KIF21A: variants seen among roughly 807,000 people sequenced by gnomAD.
KIF21A encodes the protein kinesin-like protein KIF21A.
Under a neutral mutation model 202.9 loss-of-function variants are expected in KIF21A, and 114 were observed. The ratio of observed to expected loss-of-function variants is 0.56; its 90% CI spans 0.48 to 0.66. KIF21A has a LOEUF of 0.66. KIF21A is among the 30% of genes least tolerant of loss of function. The pLI is 0.00. For missense variants in KIF21A, 1,677 were observed against 1,994.9 expected, an observed-to-expected ratio of 0.84 and a Z score of 3.04; for synonymous variants, 667 against 670.8, an observed-to-expected ratio of 0.99 and a Z score of 0.09.
rs754348492 is a variant in KIF21A, at chr12:39,341,000, C to G, written c.2016G>C (p.Gln672His). The G allele has an allele frequency of 1.2e-6, 2 of 1,612,882 alleles. No individual in the cohort carries two copies. Among genetic ancestry groups the G allele is most frequent in the South Asian group, 1.1e-5 (1 of 91,006 alleles). Residue 672 changes from glutamine (Q) to histidine (H), a missense_variant, in exon 15 of 38, where the codon CAG (glutamine) becomes CAC (histidine). Gln to His is a conservative substitution (Grantham distance 24, BLOSUM62 0). Around this residue, in one of 3 missense-constraint regions of KIF21A, gnomAD observed 966 missense variants for 1,180.9 expected, o/e 0.82. Coordinates refer to ENST00000361418, the MANE Select transcript of KIF21A (RefSeq NM_001173464.2). ...TCTCTTCATACTGCTTTTTCAGAGT[C>G]TGCAGTCTTTTCTGGCTGTTTTCTA... The part of the protein sequence containing the change: ...DELENSQKRL[Q>H]TLKKQYEEKL...
rs1943840600 is a variant in KIF21A at position 39,309,782 on chromosome 12, A to G, written c.4097-16T>C. 6.3e-7 allele frequency: 1 copy of G among 1,599,328 alleles called. No homozygotes were observed. The highest frequency in any genetic ancestry group is 8.5e-7 in the Non-Finnish European group (1 of 1,169,850). ...CAAGTACGATCTAAAACAAACACATAAAAAAAAGAAAACACCATTAATATG... is the reference window on the plus strand; with the variant it reads ...CAAGTACGATCTAAAACAAACACATGAAAAAAAGAAAACACCATTAATATG... On this transcript the variant is annotated splice_polypyrimidine_tract_variant and intron_variant, in intron 32 of 37. Transcript: ENST00000361418.
chr12:39,341,808 G>A (rs1947464988), intron 13 of KIF21A, among the ~76,000 whole-genome samples, 186 bp from the exon 14 acceptor site: 1 of 152,100 alleles, frequency 6.6e-6, no homozygotes, highest in African/African-American at 2.4e-5. Flanking sequence ...ATCTCTCATA[G>A]TATTCTACCC....
At chr12:39,296,399 A>T (rs1942376277) in intron 37 of KIF21A, among the ~76,000 whole-genome samples, 1 of 152,208 alleles carries the variant, frequency 6.6e-6, no homozygotes, top group Non-Finnish European at 1.5e-5. Context: ...AAACAAAAAT[A>T]AAATTTAAAA....
chr12:39,332,612 T>G lies in KIF21A; in HGVS notation c.2835A>C (p.Ala945=), dbSNP rs763006664. The G allele has an allele frequency of 3.7e-6, 6 of 1,614,008 alleles. 1 individual carries two copies. The South Asian group carries it at 5.5e-5, about 15-fold the overall frequency. The change falls in exon 20 of 38, where the codon GCA becomes GCC. Residue 945 remains alanine, a synonymous_variant. Transcript: ENST00000361418. Reference sequence around the variant, plus strand: ...ACACCTTGAGGAGTCTATTCATATCTGCCTCCATGTTGGAAATGGTCATCT... The same window carrying G: ...ACACCTTGAGGAGTCTATTCATATCGGCCTCCATGTTGGAAATGGTCATCT... ...MQKMTISNME[A]DMNRLLKQRE...
At position 39,340,249 on chromosome 12, in the gene KIF21A, A is replaced by G. The variant is rs765095330; in HGVS notation, c.2226T>C (p.His742=). 18 of 1,613,152 alleles carry G rather than the reference A, an allele frequency of 1.1e-5. No homozygotes were observed. Among genetic ancestry groups the G allele is most frequent in the Admixed American group, 3.3e-5 (2 of 59,932 alleles). The change falls in exon 16 of 38, where the codon CAT becomes CAC. Residue 742 remains histidine (H), a synonymous_variant. Transcript: ENST00000361418. ...GAGACTGATTTTTAAGCAACCTTGCATGTTCTTTTTGAGCTGCTTGAAGTC... is the reference window on the plus strand; with the variant it reads ...GAGACTGATTTTTAAGCAACCTTGCGTGTTCTTTTTGAGCTGCTTGAAGTC... ...LQRLQAAQKE[H]ARLLKNQSQY...
At position 39,351,848 on chromosome 12, in the gene KIF21A, GGTT is replaced by G; in HGVS notation, c.1599_1601del (p.Glu533_Thr534delinsAsp). On this transcript the variant is annotated inframe_deletion, in exon 11 of 38. Transcript: ENST00000361418. ...TTTTTGCTAGGTCTATAATTTCAATGGTTTCTTTGTCTGAGGATAGTATGGTAG... is the reference window on the plus strand; with the variant it reads ...TTTTTGCTAGGTCTATAATTTCAATGTCTTTGTCTGAGGATAGTATGGTAG... The G allele has an allele frequency of 6.2e-7, 1 of 1,607,350 alleles. No individual in the cohort carries two copies.
At chr12:39,358,857 A>G (rs923301706) in intron 7 of KIF21A, among the ~76,000 whole-genome samples, 1 of 152,166 alleles carries the variant, frequency 6.6e-6, no homozygotes, top group African/African-American at 2.4e-5. Context: ...CGTTATATAA[A>G]CTGTCATTTG....
intron 1 of KIF21A, among the ~76,000 whole-genome samples, chr12:39,408,395 ACTT>A (rs1952783830): frequency 1.3e-5 from 2 of 151,966 alleles, no homozygotes; most frequent in South Asian, 4.2e-4. Flanking sequence ...ACTGCTGCTC[ACTT>A]CCTGCTGTGT....
At chr12:39,426,397 CAT>C (rs1954755701) in intron 1 of KIF21A, among the ~76,000 whole-genome samples, 1 of 151,912 alleles carries the variant, frequency 6.6e-6, no homozygotes, top group African/African-American at 2.4e-5. Flanking sequence ...TTGCATTTAA[CAT>C]ATGTGATGAA....
intron 1 of KIF21A, among the ~76,000 whole-genome samples, chr12:39,373,386 C>G (rs1474487122): frequency 6.6e-6 from 1 of 152,078 alleles, no homozygotes; most frequent in Non-Finnish European, 1.5e-5. Flanking sequence ...TTCAATATCA[C>G]TTGTTTTGGG....
rs184459174 is a variant in KIF21A, at chr12:39,331,570, T to C, written c.3153+120A>G. The C allele has an allele frequency of 2.7e-5, 20 of 737,834 alleles. No homozygotes were observed. The East Asian group carries it at 4.9e-4, about 18-fold the overall frequency. 45.7% of individuals were successfully genotyped at this position (737,834 alleles called of 1,614,324 possible). A position where few individuals can be genotyped will look rare whatever the true frequency, so the allele number is the denominator to read the frequency against. On this transcript the variant is annotated intron_variant, in intron 22 of 37. Transcript: ENST00000361418. ...CTAAAGAAAGGTAAAAGAAATACTTTCCAATTATGAATAATCTTCTTCCTT... is the reference window on the plus strand; with the variant it reads ...CTAAAGAAAGGTAAAAGAAATACTTCCCAATTATGAATAATCTTCTTCCTT...
At chr12:39,388,538 A>G (rs1951115427) in intron 1 of KIF21A, among the ~76,000 whole-genome samples, 1 of 152,154 alleles carries the variant, frequency 6.6e-6, no homozygotes, top group East Asian at 1.9e-4. Context: ...TCAATATCCT[A>G]GGGACAGCAA....
At chr12:39,341,175 C>T (rs1376300723) in intron 14 of KIF21A, 81 bp from the exon 15 acceptor site, 24 of 1,103,180 alleles carry the variant, frequency 2.2e-5, no homozygotes, top group Admixed American at 1.3e-4. Flanking sequence ...ACCATAAAAA[C>T]CATCAACTAG....
chr12:39,295,483 A>G (rs1942220186), intron 37 of KIF21A, among the ~76,000 whole-genome samples: 2 of 152,152 alleles, frequency 1.3e-5, no homozygotes, highest in Non-Finnish European at 2.9e-5. Context: ...TGGAGTGCCA[A>G]TGTAACACAG....
At chr12:39,304,055 C>T (rs76856320) in intron 35 of KIF21A, among the ~76,000 whole-genome samples, 1 of 152,148 alleles carries the variant, frequency 6.6e-6, no homozygotes, top group African/African-American at 2.4e-5. Flanking sequence ...TTTCTCCTCA[C>T]TCATTCCCTC....
intron 15 of KIF21A, 92 bp downstream of exon 15, chr12:39,340,814 C>T (rs987894821): frequency 2.9e-5 from 26 of 893,544 alleles, no homozygotes; most frequent in South Asian, 1.9e-4. Flanking sequence ...GGGTTTAATA[C>T]GGCTTCTATT....
At chr12:39,393,827 G>A (rs925107288) in intron 1 of KIF21A, among the ~76,000 whole-genome samples, 2 of 152,156 alleles carry the variant, frequency 1.3e-5, no homozygotes, top group Admixed American at 6.5e-5. Context: ...GAAATAACAT[G>A]AAAATCACAA....
chr12:39,371,761 C>G (rs752472757), intron 1 of KIF21A, among the ~76,000 whole-genome samples: 1 of 152,006 alleles, frequency 6.6e-6, no homozygotes, highest in Non-Finnish European at 1.5e-5. Flanking sequence ...GAAACCTGGT[C>G]TCTGCTAAAA....
At chr12:39,438,148 G>A (rs951273737) in intron 1 of KIF21A, among the ~76,000 whole-genome samples, 2 of 152,012 alleles carry the variant, frequency 1.3e-5, no homozygotes, top group Non-Finnish European at 2.9e-5. Flanking sequence ...TAGCTGCCCA[G>A]GCTATCTGAT....
Sources: gnomAD v4.1 joint callset for allele counts (sites outside exome capture counted in the v4.1 genomes callset) on GRCh38, gnomAD v4.1.1 for gene constraint, gnomAD v4.1.1 regional missense constraint, MANE v1.5 for transcripts, NCBI Gene and HGNC (gene_info 2026-07-23, HGNC 2026-07-21) for gene names.